The following THADA variants were observed in gnomAD, a reference collection of about 807,000 sequenced individuals.
THADA encodes THADA armadillo repeat containing, also known as tRNA (32-2'-O)-methyltransferase regulator THADA.
Under a neutral mutation model 219.8 loss-of-function variants are expected in THADA, and 213 were observed. The ratio of observed to expected loss-of-function variants is 0.97; its 90% CI spans 0.87 to 1.09. THADA has a LOEUF of 1.09. THADA is among the 50% of genes least tolerant of loss of function. The pLI, the probability that THADA is intolerant of heterozygous loss-of-function variation, is 0.00. For missense variants in THADA, 2,956 were observed against 2,311.3 expected (o/e 1.28, Z -5.72); for synonymous variants, 1,018 against 828.9 (o/e 1.23, Z -3.92).
At chr2:43,578,718 C>A in intron 8 of THADA, 111 bp from the exon 9 acceptor site, 1 of 600,898 alleles carries the variant, frequency 1.7e-6, no homozygotes, top group Non-Finnish European at 2.8e-6. Context: ...TCTAGTCTGA[C>A]CACTTCCTGG....
intron 36 of THADA, among the ~76,000 whole-genome samples, chr2:43,261,904 T>G (rs1670994872): frequency 6.6e-6 from 1 of 152,178 alleles, no homozygotes; most frequent in Admixed American, 6.5e-5. Flanking sequence ...CCCAAAGTGC[T>G]AGGATTACAG....
chr2:43,237,507 C>A (rs1668169754), intron 36 of THADA, among the ~76,000 whole-genome samples: 1 of 150,460 alleles, frequency 6.6e-6, no homozygotes, highest in South Asian at 2.1e-4. Context: ...AAGCAATTCT[C>A]CTGCCTCAGC....
chr2:43,370,576 C>T (rs1348518633), intron 29 of THADA, among the ~76,000 whole-genome samples: 2 of 151,872 alleles, frequency 1.3e-5, no homozygotes, highest in African/African-American at 4.8e-5. Context: ...AATATAGGCC[C>T]CTTTCTAAAA....
chr2:43,569,434 A>G (rs1198793025), intron 14 of THADA, among the ~76,000 whole-genome samples: 1 of 152,240 alleles, frequency 6.6e-6, no homozygotes, highest in African/African-American at 2.4e-5. Flanking sequence ...TTCTGCTTAT[A>G]GTTGACGAGA....
At chr2:43,368,048 G>A (rs1200415380) in intron 29 of THADA, among the ~76,000 whole-genome samples, 1 of 152,124 alleles carries the variant, frequency 6.6e-6, no homozygotes, top group Non-Finnish European at 1.5e-5. Flanking sequence ...AACCCGGGAC[G>A]CAGAGGTTGC....
intron 29 of THADA, among the ~76,000 whole-genome samples, chr2:43,363,039 G>A (rs1205385750): frequency 6.6e-6 from 1 of 152,170 alleles, no homozygotes; most frequent in Non-Finnish European, 1.5e-5. Flanking sequence ...GCATGGAGCA[G>A]TCACCGTATA....
intron 2 of THADA, 55 bp downstream of exon 2, chr2:43,592,262 T>C (rs1421832875): frequency 2.2e-6 from 3 of 1,349,762 alleles, no homozygotes; most frequent in East Asian, 2.4e-5. Flanking sequence ...GTCATTAAAA[T>C]ACTCTGCTTG....
At chr2:43,345,357 G>A (rs1008143501) in intron 29 of THADA, among the ~76,000 whole-genome samples, 5 of 152,212 alleles carry the variant, frequency 3.3e-5, no homozygotes, top group African/African-American at 4.8e-5. Context: ...TGGGTCAGAC[G>A]TCTGCAATCA....
intron 26 of THADA, among the ~76,000 whole-genome samples, chr2:43,436,259 G>C (rs1475178287): frequency 6.6e-6 from 1 of 152,188 alleles, no homozygotes; most frequent in Non-Finnish European, 1.5e-5. Context: ...AGGAAGTAGA[G>C]AGAATAACCT....
rs567589093 is a variant in THADA, at chr2:43,275,536, C to A, written c.5296+4229G>T. 5.9e-4 allele frequency among the ~76,000 whole-genome samples: 90 copies of A among 152,310 alleles called. 1 individual carries two copies. The highest frequency in any genetic ancestry group is 2.1e-3 in the African/African-American group (89 of 41,560). On this transcript the variant is annotated intron_variant, in intron 36 of 37. Transcript: ENST00000405975. Reference sequence around the variant, plus strand: ...TCTGCTAAGTGGAACGTATGTGGTTCTGCCTGGGGACCTCCTGATCTAGCC... The same window carrying A: ...TCTGCTAAGTGGAACGTATGTGGTTATGCCTGGGGACCTCCTGATCTAGCC...
intron 26 of THADA, among the ~76,000 whole-genome samples, chr2:43,457,760 TG>T (rs1388429173): frequency 3.3e-5 from 5 of 152,220 alleles, no homozygotes; most frequent in Non-Finnish European, 7.3e-5. Flanking sequence ...AAATTGTTTT[TG>T]CTTCACTTTT....
intron 24 of THADA, 60 bp from the exon 25 acceptor site, chr2:43,499,015 C>T (rs961333916): frequency 6.5e-6 from 10 of 1,529,068 alleles, no homozygotes; most frequent in Admixed American, 2.1e-5. Flanking sequence ...TCTAAATCTA[C>T]ACATATCCAA....
chr2:43,292,284 T>C lies in THADA; in HGVS notation c.4819-62A>G, dbSNP rs1367340002. ...AAATACTCAGGGAGATGTCTCTAGA[T>C]GTTACATGATAATCAATTGTATCAA... On this transcript the variant is annotated intron_variant, in intron 32 of 37. Transcript: ENST00000405975. The C allele has an allele frequency of 7.6e-6, 8 of 1,052,784 alleles. No homozygotes were observed. The Admixed American group carries it at 1.4e-4, about 19-fold the overall frequency. 65.2% of individuals were successfully genotyped at this position (1,052,784 alleles called of 1,614,324 possible).
chr2:43,265,320 A>G (rs533675868), intron 36 of THADA, among the ~76,000 whole-genome samples: 1 of 152,354 alleles, frequency 6.6e-6, no homozygotes, highest in South Asian at 2.1e-4. Flanking sequence ...CCACAGCTTC[A>G]AAGTATAAAA....
chr2:43,534,200 T>C (rs988875223), intron 21 of THADA, among the ~76,000 whole-genome samples: 3 of 152,170 alleles, frequency 2.0e-5, no homozygotes, highest in African/African-American at 4.8e-5. Flanking sequence ...TTCTTTTTCA[T>C]TGACAAATAA....
intron 29 of THADA, among the ~76,000 whole-genome samples, chr2:43,371,475 C>G (rs1412309339): frequency 6.6e-6 from 1 of 152,064 alleles, no homozygotes; most frequent in African/African-American, 2.4e-5. Flanking sequence ...AAGAGCAATG[C>G]TCAGTTTTTG....
intron 29 of THADA, among the ~76,000 whole-genome samples, chr2:43,359,322 C>T (rs1669226847): frequency 6.6e-6 from 1 of 152,240 alleles, no homozygotes; most frequent in African/African-American, 2.4e-5. Flanking sequence ...TGAGATCTAA[C>T]TGAACCAAGG....
chr2:43,528,968 C>A (rs1331487667), intron 21 of THADA, among the ~76,000 whole-genome samples: 1 of 151,924 alleles, frequency 6.6e-6, no homozygotes, highest in African/African-American at 2.4e-5. Context: ...AAAAATAACC[C>A]GTATTACCTT....
chr2:43,538,861 C>A (rs1209092891), intron 21 of THADA, among the ~76,000 whole-genome samples: 1 of 152,134 alleles, frequency 6.6e-6, no homozygotes, highest in Non-Finnish European at 1.5e-5. Context: ...TTTCTTCTCC[C>A]CACACAGCAA....
Sources: gnomAD v4.1 joint callset for allele counts (sites outside exome capture counted in the v4.1 genomes callset) on GRCh38, gnomAD v4.1.1 for gene constraint, MANE v1.5 for transcripts, NCBI Gene and HGNC (gene_info 2026-07-23, HGNC 2026-07-21) for gene names.